ACSS3: variants seen among roughly 807,000 people sequenced by gnomAD.
ACSS3 encodes the protein acyl-CoA synthetase short chain family member 3.
In ACSS3, 64 loss-of-function variants were observed where a neutral mutation model predicts 84.2. The observed-to-expected ratio is 0.76, with a 90% CI of 0.62 to 0.94. ACSS3 has a LOEUF of 0.94. Among genes scored for constraint, ACSS3 ranks in the 40% least tolerant of loss-of-function variants. The pLI is 0.00. For missense variants in ACSS3, 815 were observed against 867.6 expected (o/e 0.94, Z 0.76); for synonymous variants, 317 against 310.1 (o/e 1.02, Z -0.23).
chr12:81,095,160 C>T (rs1426945233), intron 1 of ACSS3, among the ~76,000 whole-genome samples: 2 of 152,128 alleles, frequency 1.3e-5, no homozygotes, highest in Non-Finnish European at 2.9e-5. Context: ...GATTGTAGGT[C>T]TGGTTTCTAG....
At chr12:81,126,832 A>G (rs1319887783) in intron 2 of ACSS3, among the ~76,000 whole-genome samples, 2 of 152,098 alleles carry the variant, frequency 1.3e-5, no homozygotes, top group East Asian at 1.9e-4. Context: ...GAAACTGGTA[A>G]TGAGAAAAAT....
chr12:81,099,562 T>A (rs926729620), intron 1 of ACSS3, among the ~76,000 whole-genome samples: 3 of 152,130 alleles, frequency 2.0e-5, no homozygotes, highest in Non-Finnish European at 4.4e-5. Context: ...TAAAAATATA[T>A]TAAGCTTTGT....
chr12:81,215,622 T>TG (rs1285102126), intron 9 of ACSS3, among the ~76,000 whole-genome samples: 1 of 152,220 alleles, frequency 6.6e-6, no homozygotes, highest in Non-Finnish European at 1.5e-5. Flanking sequence ...TTAGATATGA[T>TG]GGGTTTGGCA....
intron 1 of ACSS3, among the ~76,000 whole-genome samples, chr12:81,100,814 A>AGGCAGGGT (rs1565975194): frequency 6.6e-6 from 1 of 152,180 alleles, no homozygotes; most frequent in Admixed American, 6.6e-5. Flanking sequence ...GGAGGCAGGG[A>AGGCAGGGT]GGAGGATATG....
In ACSS3 at chr12:81,097,615, C is replaced by T. The variant is rs114118728; in HGVS notation, c.312-11945C>T. On this transcript the variant is annotated intron_variant, in intron 1 of 15. Transcript: ENST00000548058. Reference sequence around the variant, plus strand: ...TGTGTCCTGCTCCTGCCCATTCTACCTGTGACCATAGAGCTATGCCCTCCT... The same window carrying T: ...TGTGTCCTGCTCCTGCCCATTCTACTTGTGACCATAGAGCTATGCCCTCCT... Among the ~76,000 whole-genome samples, 275 of 152,330 alleles carry T rather than the reference C, an allele frequency of 1.8e-3. 2 individuals carry two copies. The highest frequency in any genetic ancestry group is 6.4e-3 in the African/African-American group (268 of 41,586).
intron 7 of ACSS3, among the ~76,000 whole-genome samples, chr12:81,166,558 A>C (rs1887412577): frequency 6.6e-6 from 1 of 152,188 alleles, no homozygotes; most frequent in South Asian, 2.1e-4. Flanking sequence ...CGAAAAGCAA[A>C]GTGTACTAAA....
chr12:81,179,348 A>G (rs1225803975), intron 8 of ACSS3, among the ~76,000 whole-genome samples: 1 of 151,602 alleles, frequency 6.6e-6, no homozygotes. Flanking sequence ...ATTAAACTAA[A>G]AAGCTTCAGG....
intron 2 of ACSS3, among the ~76,000 whole-genome samples, chr12:81,111,652 C>A (rs1204087998): frequency 6.6e-6 from 1 of 152,164 alleles, no homozygotes; most frequent in African/African-American, 2.4e-5. Flanking sequence ...GCTCAGAACT[C>A]TGAACACATA....
At chr12:81,131,433 G>C (rs749640802) in intron 2 of ACSS3, among the ~76,000 whole-genome samples, 1 of 152,104 alleles carries the variant, frequency 6.6e-6, no homozygotes, top group Non-Finnish European at 1.5e-5. Context: ...CTGTTTGTCT[G>C]TTATTGATGT....
At chr12:81,096,098 A>T (rs948783365) in intron 1 of ACSS3, among the ~76,000 whole-genome samples, 4 of 152,246 alleles carry the variant, frequency 2.6e-5, no homozygotes, top group African/African-American at 9.6e-5. Context: ...TGTGTGAATA[A>T]AGCAAAATGT....
At chr12:81,190,141 T>G (rs2031490764) in intron 8 of ACSS3, among the ~76,000 whole-genome samples, 1 of 152,182 alleles carries the variant, frequency 6.6e-6, no homozygotes, top group Non-Finnish European at 1.5e-5. Flanking sequence ...TTTTGAATAT[T>G]CTTGGCTCGT....
At chr12:81,212,116 A>G (rs1445994065) in intron 9 of ACSS3, among the ~76,000 whole-genome samples, 1 of 152,182 alleles carries the variant, frequency 6.6e-6, no homozygotes, top group Non-Finnish European at 1.5e-5. Context: ...CCTCTCCATG[A>G]CATTTCATAC....
chr12:81,185,320 T>G (rs1406389346), intron 8 of ACSS3, among the ~76,000 whole-genome samples: 2 of 151,692 alleles, frequency 1.3e-5, no homozygotes, highest in Admixed American at 6.6e-5. Context: ...CCACTTCTAT[T>G]CAACATAATA....
upstream of ACSS3, chr12:81,078,033 C>T (rs1338235535): frequency 6.5e-6 from 9 of 1,381,998 alleles, no homozygotes; most frequent in Non-Finnish European, 8.5e-6. Flanking sequence ...GGAATTTGCC[C>T]CCGCCCCCTA....
At chr12:81,143,647 T>C (rs1886195713) in intron 5 of ACSS3, 1 of 152,070 alleles carries the variant, frequency 6.6e-6, no homozygotes, top group African/African-American at 2.4e-5. Flanking sequence ...TAGATTGAGG[T>C]ATAAGTTTCA....
intron 5 of ACSS3, among the ~76,000 whole-genome samples, chr12:81,145,011 G>C (rs968571044): frequency 1.4e-5 from 2 of 143,600 alleles, no homozygotes; most frequent in South Asian, 2.2e-4. Flanking sequence ...CGCCATTCTC[G>C]TGCCTTAGCC....
chr12:81,095,646 A>G lies in ACSS3; in HGVS notation c.312-13914A>G, dbSNP rs528027676. On this transcript the variant is annotated intron_variant, in intron 1 of 15. Transcript: ENST00000548058. ...AGTGGATTCAGTTCAGATAACAGGC[A>G]TTGATTTCCTGAAAGCTTTTCTTTC... Among the ~76,000 whole-genome samples, 17 of 152,288 alleles carry G rather than the reference A, an allele frequency of 1.1e-4. No homozygotes were observed. In the South Asian group the frequency reaches 2.5e-3, roughly 22 times the overall value.
At position 81,236,487 on chromosome 12, in the gene ACSS3, T is replaced by G. The variant is rs1425681071; in HGVS notation, c.1719+3016T>G. On this transcript the variant is annotated intron_variant, in intron 13 of 15. Coordinates refer to ENST00000548058, the MANE Select transcript of ACSS3 (RefSeq NM_024560.4). ...CATAGATCTTTTTTCATTTTTTCAT[T>G]TTTAATCTATCTGTATTATGTTTCA... Among the ~76,000 whole-genome samples the G allele has an allele frequency of 2.0e-5, 3 of 151,408 alleles. No homozygotes were observed. The East Asian group carries it at 5.8e-4, about 29-fold the overall frequency.
intron 13 of ACSS3, among the ~76,000 whole-genome samples, chr12:81,252,274 C>T (rs2034178264): frequency 6.6e-6 from 1 of 152,210 alleles, no homozygotes; most frequent in Admixed American, 6.5e-5. Context: ...TGTATTTAGA[C>T]ATTTAGAATA....
Sources: allele counts gnomAD v4.1 joint callset (sites outside exome capture counted in the v4.1 genomes callset), GRCh38; gene constraint gnomAD v4.1.1; transcripts MANE v1.5; gene names NCBI Gene and HGNC (gene_info 2026-07-23, HGNC 2026-07-21).